TENM3: variants seen among roughly 807,000 people sequenced by gnomAD.
The protein encoded by TENM3 is teneurin transmembrane protein 3.
A neutral mutation model predicts 255.1 loss-of-function variants in TENM3; 63 were observed. The observed-to-expected ratio is 0.25, with a 90% CI of 0.20 to 0.30. The LOEUF is 0.30. Ranked by LOEUF, TENM3 falls within the 10% of genes least tolerant of loss-of-function variation. TENM3 has a pLI of 1.00. For synonymous variants in TENM3, 1,306 were observed against 1,322.3 expected, an observed-to-expected ratio of 0.99 and a Z score of 0.27; for missense variants, 2,929 against 3,461.1, an observed-to-expected ratio of 0.85 and a Z score of 3.86.
the TENM3 span, among the ~76,000 whole-genome samples, chr4:181,675,767 A>AT: frequency 1.3e-5 from 2 of 152,040 alleles, no homozygotes; most frequent in Non-Finnish European, 1.5e-5. Flanking sequence ...TCTGAAAATA[A>AT]TTTTTTTGCA....
the TENM3 span, among the ~76,000 whole-genome samples, chr4:181,742,276 A>G: frequency 5.9e-5 from 9 of 152,110 alleles, no homozygotes; most frequent in Admixed American, 5.9e-4. Context: ...GTAACAATAT[A>G]CATGGTTAGA....
the TENM3 span, among the ~76,000 whole-genome samples, chr4:181,859,373 A>T: frequency 1.3e-5 from 2 of 152,130 alleles, no homozygotes; most frequent in Non-Finnish European, 2.9e-5. Context: ...TTTCTAGAAA[A>T]ATTATTCACC....
At chr4:182,084,204 A>G in the TENM3 span, among the ~76,000 whole-genome samples, 8 of 152,182 alleles carry the variant, frequency 5.3e-5, no homozygotes, top group African/African-American at 7.2e-5. Context: ...GGGGGAAAAA[A>G]TAAGCTGCCT....
intron 3 of TENM3, among the ~76,000 whole-genome samples, chr4:182,517,508 C>A: frequency 6.8e-6 from 1 of 146,154 alleles, no homozygotes; most frequent in Non-Finnish European, 1.5e-5. Flanking sequence ...CTCAGCCTCC[C>A]GAGTAGCTGG....
the TENM3 span, among the ~76,000 whole-genome samples, chr4:181,752,635 C>A: frequency 6.6e-6 from 1 of 152,098 alleles, no homozygotes; most frequent in Admixed American, 6.6e-5. Flanking sequence ...CCAATGGTAT[C>A]ATTTTATTTT....
At chr4:181,613,801 C>T in the TENM3 span, among the ~76,000 whole-genome samples, 2 of 152,166 alleles carry the variant, frequency 1.3e-5, no homozygotes, top group African/African-American at 2.4e-5. Flanking sequence ...TTCACTTTAA[C>T]ATTAAGATGT....
At chr4:181,540,047 T>C in the TENM3 span, among the ~76,000 whole-genome samples, 8 of 152,160 alleles carry the variant, frequency 5.3e-5, no homozygotes, top group East Asian at 1.5e-3. Flanking sequence ...ACATACAAAA[T>C]GAATCTGGAG....
intron 22 of TENM3, among the ~76,000 whole-genome samples, chr4:182,771,964 T>C (rs971663505): frequency 6.6e-6 from 1 of 152,134 alleles, no homozygotes; most frequent in Non-Finnish European, 1.5e-5. Context: ...GCGTGGCAGG[T>C]TGTCAGATCA....
chr4:182,287,775 G>A lies in TENM3; in HGVS notation c.-75-36171G>A, dbSNP rs554663821. Among the ~76,000 whole-genome samples, 11 of 151,218 alleles carry A rather than the reference G, an allele frequency of 7.3e-5. No individual in the cohort carries two copies. The South Asian group carries it at 1.7e-3, about 23-fold the overall frequency. On this transcript the variant is annotated intron_variant, in intron 1 of 27. Transcript: ENST00000511685. Reference sequence around the variant, plus strand: ...ACTACAGGCGCCCTCCACCACACCCGTCTAATTTTGTTTTCGTATTTTTAG... The same window carrying A: ...ACTACAGGCGCCCTCCACCACACCCATCTAATTTTGTTTTCGTATTTTTAG...
At position 182,800,455 on chromosome 4, in the gene TENM3, A is replaced by T; in HGVS notation, c.*104A>T. Reference sequence around the variant, plus strand: ...GCCCAAGAGCCTTCCTCCCGGGGGAATGAGACTGCTGTTACGACCCACACC... The same window carrying T: ...GCCCAAGAGCCTTCCTCCCGGGGGATTGAGACTGCTGTTACGACCCACACC... On this transcript the variant is annotated 3_prime_UTR_variant, in exon 28 of 28. Coordinates refer to ENST00000511685, the MANE Select transcript of TENM3 (RefSeq NM_001080477.4). 1 of 1,360,690 alleles carries T rather than the reference A, an allele frequency of 7.3e-7. No individual in the cohort carries two copies. Among genetic ancestry groups the T allele is most frequent in the Non-Finnish European group, 9.7e-7 (1 of 1,029,294 alleles). The allele number at this position is 1,360,690 out of a possible 1,614,324, so 84.3% of individuals were successfully genotyped here.
At chr4:181,989,607 T>C in the TENM3 span, among the ~76,000 whole-genome samples, 1 of 152,158 alleles carries the variant, frequency 6.6e-6, no homozygotes. Flanking sequence ...TGTGTAGGAT[T>C]GTTGATGTAA....
intron 3 of TENM3, among the ~76,000 whole-genome samples, chr4:182,538,295 G>T (rs890035245): frequency 1.3e-5 from 2 of 152,100 alleles, no homozygotes; most frequent in East Asian, 3.9e-4. Flanking sequence ...TCAGAAAAGG[G>T]AGTTTACAAG....
chr4:182,006,114 T>G, the TENM3 span, among the ~76,000 whole-genome samples: 2 of 152,106 alleles, frequency 1.3e-5, no homozygotes, highest in Admixed American at 1.3e-4. Flanking sequence ...TGAGTAGGAG[T>G]GGTGACAGAG....
rs1762559751 is a variant in TENM3, at chr4:182,754,156, G to A, written c.4018-229G>A. ...GTAGAGGCCTATTTGCTATTTGCCTGTAACTAGCAAATCTTTCTGTGAGCT... is the reference window on the plus strand; with the variant it reads ...GTAGAGGCCTATTTGCTATTTGCCTATAACTAGCAAATCTTTCTGTGAGCT... On this transcript the variant is annotated intron_variant, in intron 21 of 27. Transcript: ENST00000511685. The surrounding 1 kb of genome is among the most constrained non-coding windows in gnomAD (Gnocchi z 5.1). Among the ~76,000 whole-genome samples the A allele has an allele frequency of 6.6e-6, 1 of 152,194 alleles. No homozygotes were observed. Among genetic ancestry groups the A allele is most frequent in the Admixed American group, 6.5e-5 (1 of 15,284 alleles).
chr4:181,615,669 CT>C, the TENM3 span, among the ~76,000 whole-genome samples: 1 of 152,262 alleles, frequency 6.6e-6, no homozygotes, highest in South Asian at 2.1e-4. Context: ...CCTACTAATG[CT>C]TAGAGAGAAT....
At chr4:181,850,741 T>C in the TENM3 span, among the ~76,000 whole-genome samples, 1 of 152,140 alleles carries the variant, frequency 6.6e-6, no homozygotes, top group African/African-American at 2.4e-5. Context: ...CTAAGTATGA[T>C]GGGTAAAATA....
chr4:182,222,446 G>A (rs1188285262), intron 1 of TENM3, among the ~76,000 whole-genome samples: 1 of 152,214 alleles, frequency 6.6e-6, no homozygotes, highest in African/African-American at 2.4e-5. Flanking sequence ...GTGTGTGCTT[G>A]CATGTGGCCA....
the TENM3 span, among the ~76,000 whole-genome samples, chr4:181,584,329 G>A: frequency 2.0e-5 from 3 of 152,102 alleles, no homozygotes; most frequent in African/African-American, 7.2e-5. Flanking sequence ...TGTGTATTGA[G>A]ATCTAACTTC....
intron 19 of TENM3, among the ~76,000 whole-genome samples, chr4:182,743,860 G>A (rs1761789228): frequency 6.6e-6 from 1 of 152,070 alleles, no homozygotes; most frequent in African/African-American, 2.4e-5. Context: ...GGATCTTCAG[G>A]TTGGGTTAAT....
Sources: allele counts gnomAD v4.1 joint callset (sites outside exome capture counted in the v4.1 genomes callset), GRCh38; gene constraint gnomAD v4.1.1; non-coding constraint Gnocchi (gnomAD v3.1); transcripts MANE v1.5; gene names NCBI Gene and HGNC (gene_info 2026-07-23, HGNC 2026-07-21).